CNTN5: variants seen among roughly 807,000 people sequenced by gnomAD.
The protein encoded by CNTN5 is contactin 5.
CNTN5 carries 77 observed loss-of-function variants against 129.1 expected under a neutral mutation model. That is an observed-to-expected ratio of 0.60 (90% CI 0.50 to 0.72). The LOEUF is 0.72. CNTN5 is among the 30% of genes least tolerant of loss of function. The pLI is 0.00. For missense variants in CNTN5, 1,478 were observed against 1,328.8 expected, an observed-to-expected ratio of 1.11 and a Z score of -1.75; for synonymous variants, 509 against 465.6, an observed-to-expected ratio of 1.09 and a Z score of -1.20.
At chr11:99,426,138 T>A (rs1156290198) in intron 2 of CNTN5, among the ~76,000 whole-genome samples, 1 of 152,214 alleles carries the variant, frequency 6.6e-6, no homozygotes, top group Admixed American at 6.5e-5. Flanking sequence ...TCCTGTATGA[T>A]TTTATTATAC....
chr11:99,946,432 G>A (rs946288828), intron 7 of CNTN5, among the ~76,000 whole-genome samples: 6 of 152,028 alleles, frequency 3.9e-5, no homozygotes, highest in African/African-American at 9.7e-5. Context: ...CTGAGTGATC[G>A]ATACTCAACA....
At chr11:100,280,603 C>G (rs533440582) in intron 18 of CNTN5, among the ~76,000 whole-genome samples, 6 of 152,088 alleles carry the variant, frequency 3.9e-5, no homozygotes, top group African/African-American at 1.2e-4. Context: ...TTGTAGGAAA[C>G]AGGTTATTGC....
chr11:99,916,475 G>A (rs1369590060), intron 7 of CNTN5, among the ~76,000 whole-genome samples: 2 of 152,118 alleles, frequency 1.3e-5, no homozygotes, highest in African/African-American at 2.4e-5. Context: ...AAAATAGTTT[G>A]GAGTATCAGA....
chr11:100,209,310 TA>T (rs1857255893), intron 15 of CNTN5, among the ~76,000 whole-genome samples: 1 of 152,204 alleles, frequency 6.6e-6, no homozygotes, highest in Non-Finnish European at 1.5e-5. Flanking sequence ...TGTACAACCC[TA>T]AAAGTCAACA....
At chr11:99,691,233 T>C (rs368054792) in intron 3 of CNTN5, among the ~76,000 whole-genome samples, 155 of 152,100 alleles carry the variant, frequency 1.0e-3, no homozygotes, top group African/African-American at 3.5e-3. Flanking sequence ...TTGAAGAGTG[T>C]TTATGTCTCT....
chr11:99,903,305 A>G (rs376039037), intron 6 of CNTN5, among the ~76,000 whole-genome samples: 2 of 151,922 alleles, frequency 1.3e-5, no homozygotes, highest in Non-Finnish European at 2.9e-5. Context: ...TGGTATAACC[A>G]TAACCAAAAC....
In CNTN5 at chr11:99,335,607, A is replaced by C. The variant is rs533146248; in HGVS notation, c.-71+10123A>C. Among the ~76,000 whole-genome samples the C allele has an allele frequency of 6.6e-5, 10 of 152,248 alleles. No homozygotes were observed. In the South Asian group the frequency reaches 2.1e-3, roughly 32 times the overall value. On this transcript the variant is annotated intron_variant, in intron 2 of 24. Transcript: ENST00000524871. ...CACACATGCAAGTATATGGAGCTTC[A>C]TCTTGCTCCAGCTTCTTGTATATCT...
chr11:99,342,951 CTG>C (rs1415886337), intron 2 of CNTN5, among the ~76,000 whole-genome samples: 1 of 151,842 alleles, frequency 6.6e-6, no homozygotes, highest in African/African-American at 2.4e-5. Flanking sequence ...TTAAAAAAAA[CTG>C]AGATATACAA....
chr11:99,035,284 G>A (rs1272305815), intron 1 of CNTN5, among the ~76,000 whole-genome samples: 1 of 149,400 alleles, frequency 6.7e-6, no homozygotes, highest in African/African-American at 2.4e-5. Flanking sequence ...TGTCTATTAG[G>A]TCCGCTTGGT....
chr11:99,421,293 A>G (rs1942877803), intron 2 of CNTN5, among the ~76,000 whole-genome samples: 3 of 152,158 alleles, frequency 2.0e-5, no homozygotes, highest in Admixed American at 1.3e-4. Flanking sequence ...ACAAATATAT[A>G]GAAGATAACT....
intron 1 of CNTN5, among the ~76,000 whole-genome samples, chr11:99,199,608 T>C (rs566410463): frequency 6.6e-6 from 1 of 152,252 alleles, no homozygotes; most frequent in East Asian, 1.9e-4. Flanking sequence ...CCTATTCCTC[T>C]AGGACCAGCA....
At chr11:99,189,892 C>G (rs1157616778) in intron 1 of CNTN5, among the ~76,000 whole-genome samples, 1 of 151,474 alleles carries the variant, frequency 6.6e-6, no homozygotes, top group East Asian at 1.9e-4. Flanking sequence ...TTTGGCTGTG[C>G]AAAAGATTTT....
At chr11:99,952,093 T>A (rs1359101976) in intron 7 of CNTN5, among the ~76,000 whole-genome samples, 1 of 152,164 alleles carries the variant, frequency 6.6e-6, no homozygotes, top group African/African-American at 2.4e-5. Flanking sequence ...AAGGTACACA[T>A]CAGCATTGTA....
rs551653321 is a variant in CNTN5 at position 99,488,984 on chromosome 11, C to T, written c.-70-67161C>T. 3.3e-4 allele frequency among the ~76,000 whole-genome samples: 50 copies of T among 151,998 alleles called. No homozygotes were observed. In the East Asian group the frequency reaches 4.3e-3, roughly 13 times the overall value. ...CTAAATAGAATGCTATGTGCTATCG[C>T]GTCTATCAAACAAGAGCAGAAGATC... On this transcript the variant is annotated intron_variant, in intron 2 of 24. Transcript: ENST00000524871.
At chr11:100,305,750 C>T (rs1951334448) in intron 20 of CNTN5, among the ~76,000 whole-genome samples, 1 of 151,434 alleles carries the variant, frequency 6.6e-6, no homozygotes. Context: ...ATAAATAGTA[C>T]ATACTAAAAT....
chr11:99,164,447 A>G (rs1860779711), intron 1 of CNTN5, among the ~76,000 whole-genome samples: 1 of 152,198 alleles, frequency 6.6e-6, no homozygotes, highest in African/African-American at 2.4e-5. Context: ...GAACAAACCA[A>G]AAATTAAAAA....
intron 20 of CNTN5, among the ~76,000 whole-genome samples, chr11:100,307,781 A>G (rs201154576): frequency 1.3e-5 from 2 of 151,646 alleles, no homozygotes; most frequent in Non-Finnish European, 1.5e-5. Context: ...TAAAAAATAA[A>G]ATAATAATAA....
intron 6 of CNTN5, among the ~76,000 whole-genome samples, chr11:99,856,250 G>A (rs1948030272): frequency 6.6e-6 from 1 of 152,146 alleles, no homozygotes; most frequent in East Asian, 1.9e-4. Flanking sequence ...ATTCTAACAA[G>A]TCATCTTCTG....
chr11:100,071,117 A>C (rs1289402551), intron 11 of CNTN5, among the ~76,000 whole-genome samples: 1 of 152,054 alleles, frequency 6.6e-6, no homozygotes, highest in African/African-American at 2.4e-5. Context: ...CACATGCTCA[A>C]TTTTTTGTTT....
Sources: allele counts gnomAD v4.1 joint callset (sites outside exome capture counted in the v4.1 genomes callset), GRCh38; gene constraint gnomAD v4.1.1; transcripts MANE v1.5; gene names NCBI Gene and HGNC (gene_info 2026-07-23, HGNC 2026-07-21).